LAMC2: variants seen among roughly 807,000 people sequenced by gnomAD.
The protein encoded by LAMC2 is laminin subunit gamma-2.
In LAMC2, 97 loss-of-function variants were observed where a neutral mutation model predicts 140.2. The observed-to-expected ratio is 0.69, with a 90% confidence interval of 0.59 to 0.82. LAMC2 has a LOEUF of 0.82. Ranked by LOEUF, LAMC2 falls within the 40% of genes least tolerant of loss-of-function variation. The probability of loss-of-function intolerance (pLI) is 0.00; values close to 1 mark genes in which losing one functional copy is unlikely to be tolerated. For missense variants in LAMC2, 1,402 were observed against 1,476.1 expected, an observed-to-expected ratio of 0.95 and a Z score of 0.82; for synonymous variants, 513 against 540.2, an observed-to-expected ratio of 0.95 and a Z score of 0.70.
At chr1:183,208,991 T>TTG (rs1412880872) in intron 2 of LAMC2, among the ~76,000 whole-genome samples, 1 of 151,748 alleles carries the variant, frequency 6.6e-6, no homozygotes, top group African/African-American at 2.4e-5. Context: ...TTGTTTTTTT[T>TTG]TTTTTTTTTA....
chr1:183,197,140 G>A (rs1658544458), intron 1 of LAMC2, among the ~76,000 whole-genome samples: 1 of 152,216 alleles, frequency 6.6e-6, no homozygotes, highest in African/African-American at 2.4e-5. Context: ...ATTCAGCTAA[G>A]AAGTGATGGC....
At chr1:183,257,107 G>A in the LAMC2 span, among the ~76,000 whole-genome samples, 1 of 152,006 alleles carries the variant, frequency 6.6e-6, no homozygotes, top group Non-Finnish European at 1.5e-5. Flanking sequence ...CTCGTAGAAT[G>A]TGCTAGGAGG....
At chr1:183,189,951 C>T (rs1305803087) in intron 1 of LAMC2, among the ~76,000 whole-genome samples, 1 of 152,156 alleles carries the variant, frequency 6.6e-6, no homozygotes, top group Non-Finnish European at 1.5e-5. Context: ...AAAAAAGATG[C>T]TGTGGATAGT....
Position 183,236,609 on chromosome 1 carries a change from G to C in LAMC2, c.2601+5G>C. On this transcript the variant is annotated splice_donor_5th_base_variant and intron_variant, in intron 17 of 22. Transcript: ENST00000264144. Reference sequence around the variant, plus strand: ...GTCAGTGATCAGTCCTTTCAGGTGAGGGCATCTGGCCTGTGTGCTTGATAT... The same window carrying C: ...GTCAGTGATCAGTCCTTTCAGGTGACGGCATCTGGCCTGTGTGCTTGATAT... The C allele has an allele frequency of 6.2e-7, 1 of 1,614,072 alleles. No individual in the cohort carries two copies. The highest frequency in any genetic ancestry group is 8.5e-7 in the Non-Finnish European group (1 of 1,179,986).
intron 1 of LAMC2, among the ~76,000 whole-genome samples, chr1:183,194,811 A>C (rs1658463763): frequency 6.6e-6 from 1 of 152,234 alleles, no homozygotes; most frequent in Non-Finnish European, 1.5e-5. Context: ...TCTTTGAATA[A>C]CAGTTAAATG....
At chr1:183,231,485 TA>T (rs1243796130) in intron 12 of LAMC2, among the ~76,000 whole-genome samples, 1 of 152,210 alleles carries the variant, frequency 6.6e-6, no homozygotes, top group Non-Finnish European at 1.5e-5. Flanking sequence ...TCCCCTAACT[TA>T]GTTCAGGGCT....
At chr1:183,209,679 G>A (rs1324841446) in intron 2 of LAMC2, among the ~76,000 whole-genome samples, 2 of 152,170 alleles carry the variant, frequency 1.3e-5, no homozygotes, top group South Asian at 4.1e-4. Flanking sequence ...ACCAGAGTTG[G>A]GTCATCCCAG....
chr1:183,214,069 A>G (rs1659166290), intron 2 of LAMC2, among the ~76,000 whole-genome samples: 1 of 152,118 alleles, frequency 6.6e-6, no homozygotes, highest in Non-Finnish European at 1.5e-5. Flanking sequence ...TTATTTTACA[A>G]TTCCACTGAA....
chr1:183,232,561 T>G, intron 13 of LAMC2, 91 bp from the exon 14 acceptor site: 1 of 1,258,650 alleles, frequency 7.9e-7, no homozygotes, highest in Non-Finnish European at 1.2e-6. Context: ...TTTTTGTCAT[T>G]TGACCATAAG....
intron 1 of LAMC2, among the ~76,000 whole-genome samples, chr1:183,188,856 T>G (rs625917): frequency 0.57 from 86,746 of 152,016 alleles, 25,503 homozygotes; most frequent in East Asian, 0.73. Context: ...ATAAGAAAGA[T>G]ACTAGAAACG....
intron 20 of LAMC2, 83 bp from the exon 21 acceptor site, chr1:183,239,957 A>AT (rs1660080060): frequency 6.0e-6 from 9 of 1,512,122 alleles, no homozygotes; most frequent in Non-Finnish European, 8.3e-6. Context: ...CTGCCGCTGT[A>AT]TTTTTTCTAT....
the LAMC2 span, among the ~76,000 whole-genome samples, chr1:183,258,689 G>T: frequency 6.6e-6 from 1 of 152,054 alleles, no homozygotes; most frequent in Non-Finnish European, 1.5e-5. Flanking sequence ...TCCCTAAACT[G>T]CTCCTAAGAT....
intron 2 of LAMC2, among the ~76,000 whole-genome samples, chr1:183,213,487 T>C (rs1317647848): frequency 6.6e-6 from 1 of 152,238 alleles, no homozygotes; most frequent in Non-Finnish European, 1.5e-5. Flanking sequence ...TCATAGACTA[T>C]GGATACTAAT....
chr1:183,244,530 A>G lies in LAMC2; in HGVS notation c.*1130A>G, dbSNP rs1242240204. On this transcript the variant is annotated 3_prime_UTR_variant, in exon 23 of 23. Coordinates refer to ENST00000264144, the MANE Select transcript of LAMC2 (RefSeq NM_005562.3). ...AGTTGATTGTCTAGTGAGGAAGACA[A>G]GCATTTTTAAAAAATAAATTTAAAC... 6.6e-6 allele frequency: 1 copy of G among 152,664 alleles called. No individual in the cohort carries two copies. Among genetic ancestry groups the G allele is most frequent in the Non-Finnish European group, 1.5e-5 (1 of 68,042 alleles). The allele number at this position is 152,664 out of a possible 1,614,324, so 9.5% of individuals were successfully genotyped here. A position where few individuals can be genotyped will look rare whatever the true frequency, so the allele number is the denominator to read the frequency against.
intron 19 of LAMC2, among the ~76,000 whole-genome samples, chr1:183,238,825 G>A (rs1290911883): frequency 6.6e-6 from 1 of 152,144 alleles, no homozygotes; most frequent in Non-Finnish European, 1.5e-5. Context: ...GTTGGTTCCA[G>A]TATGGAACTG....
intron 4 of LAMC2, 113 bp downstream of exon 4, chr1:183,218,601 A>C (rs1364087354): frequency 4.9e-6 from 4 of 813,320 alleles, no homozygotes; most frequent in Non-Finnish European, 8.4e-6. Flanking sequence ...AACGTTGATG[A>C]CCTTCTTCCT....
At chr1:183,205,139 A>T (rs933558487) in intron 1 of LAMC2, among the ~76,000 whole-genome samples, 1 of 152,212 alleles carries the variant, frequency 6.6e-6, no homozygotes, top group African/African-American at 2.4e-5. Context: ...CTAAATAAGA[A>T]AGGCACAATG....
intron 16 of LAMC2, among the ~76,000 whole-genome samples, chr1:183,236,172 T>A (rs1000297974): frequency 2.0e-5 from 3 of 152,074 alleles, no homozygotes; most frequent in Non-Finnish European, 4.4e-5. Flanking sequence ...GTTTGGTTCT[T>A]CTGGTTATTC....
chr1:183,240,290 A>G lies in LAMC2; in HGVS notation c.3229-2A>G. 1 of 1,614,196 alleles carries G rather than the reference A, an allele frequency of 6.2e-7. No homozygotes were observed. Among genetic ancestry groups the G allele is most frequent in the Non-Finnish European group, 8.5e-7 (1 of 1,180,014 alleles). On this transcript the variant is annotated splice_acceptor_variant, in intron 21 of 22. Transcript: ENST00000264144. LOFTEE classifies it high-confidence loss of function. Reference sequence around the variant, plus strand: ...GGCTGGTTTGTGCTTATTTGTCCTCAGGTGATTACAGAAGCCCAGAAGGTT... The same window carrying G: ...GGCTGGTTTGTGCTTATTTGTCCTCGGGTGATTACAGAAGCCCAGAAGGTT...
Sources: gnomAD v4.1 joint callset for allele counts (sites outside exome capture counted in the v4.1 genomes callset) on GRCh38, gnomAD v4.1.1 for gene constraint, MANE v1.5 for transcripts, NCBI Gene and HGNC (gene_info 2026-07-23, HGNC 2026-07-21) for gene names.